CMAS: variants seen among roughly 807,000 people sequenced by gnomAD.
CMAS encodes the protein N-acylneuraminate cytidylyltransferase.
In CMAS, 21 loss-of-function variants were observed where a neutral mutation model predicts 53.4. That is an observed-to-expected ratio of 0.39 (90% confidence interval 0.28 to 0.57). The LOEUF is 0.57. Ranked by LOEUF, CMAS falls within the 20% of genes least tolerant of loss-of-function variation. The pLI, the probability that CMAS is intolerant of heterozygous loss-of-function variation, is 0.56. For synonymous variants in CMAS, 189 were observed against 195.2 expected, an observed-to-expected ratio of 0.97 and a Z score of 0.27; for missense variants, 384 against 534.9, an observed-to-expected ratio of 0.72 and a Z score of 2.78.
intron 1 of CMAS, among the ~76,000 whole-genome samples, chr12:22,047,082 C>T (rs923453437): frequency 6.6e-6 from 1 of 152,156 alleles, no homozygotes; most frequent in Non-Finnish European, 1.5e-5. Flanking sequence ...TTTTCCTAAC[C>T]TTTGAAAAAT....
chr12:22,049,510 T>C (rs1176413007), intron 1 of CMAS, among the ~76,000 whole-genome samples: 1 of 152,234 alleles, frequency 6.6e-6, no homozygotes, highest in African/African-American at 2.4e-5. Flanking sequence ...CTGTACCAAG[T>C]AGTTTTATTT....
Position 22,046,268 on chromosome 12 carries a change from G to A in CMAS, c.-36G>A. The A allele has an allele frequency of 7.1e-7, 1 of 1,417,088 alleles. No homozygotes were observed. The highest frequency in any genetic ancestry group is 9.2e-7 in the Non-Finnish European group (1 of 1,082,528). 87.8% of individuals were successfully genotyped at this position (1,417,088 alleles called of 1,614,324 possible). On this transcript the variant is annotated 5_prime_UTR_variant, in exon 1 of 8. Transcript: ENST00000229329. ...TGAGGTGGTGAGGGACTAGCTCCCG[G>A]ATGTGGAGAAGCTGGGGAGAAGGCG...
chr12:22,058,238 A>G (rs1288779532), intron 3 of CMAS, among the ~76,000 whole-genome samples: 1 of 151,478 alleles, frequency 6.6e-6, no homozygotes, highest in East Asian at 2.0e-4. Flanking sequence ...CAGCCCGGAC[A>G]ACATGGTGAA....
intron 1 of CMAS, among the ~76,000 whole-genome samples, chr12:22,052,500 GA>G (rs1317880375): frequency 6.6e-6 from 1 of 152,098 alleles, no homozygotes; most frequent in Admixed American, 6.5e-5. Flanking sequence ...TAAAAATCAG[GA>G]TAATGAAGTA....
At chr12:22,052,918 TA>T (rs1210502114) in intron 1 of CMAS, among the ~76,000 whole-genome samples, 1 of 152,188 alleles carries the variant, frequency 6.6e-6, no homozygotes, top group Non-Finnish European at 1.5e-5. Context: ...ATAAACGAAA[TA>T]AATAAATGAA....
intron 1 of CMAS, among the ~76,000 whole-genome samples, chr12:22,047,393 GTGT>G (rs2138175338): frequency 6.6e-6 from 1 of 152,216 alleles, no homozygotes; most frequent in African/African-American, 2.4e-5. Context: ...ACATTTGAAT[GTGT>G]TGTTATTGTG....
intron 5 of CMAS, 108 bp downstream of exon 5, chr12:22,061,034 G>A: frequency 1.3e-6 from 1 of 770,748 alleles, no homozygotes; most frequent in Non-Finnish European, 2.2e-6. Context: ...TAATTACTTT[G>A]TTCATGTGAG....
Position 22,055,446 on chromosome 12 carries a change from C to T in CMAS, c.404-9C>T. 6.4e-7 allele frequency: 1 copy of T among 1,569,144 alleles called. No individual in the cohort carries two copies. Among genetic ancestry groups the T allele is most frequent in the Non-Finnish European group, 8.6e-7 (1 of 1,163,808 alleles). On this transcript the variant is annotated splice_polypyrimidine_tract_variant and intron_variant, in intron 2 of 7. Coordinates refer to ENST00000229329, the MANE Select transcript of CMAS (RefSeq NM_018686.6). ...TAAATATCCTTTTCATTTCTCTTGT[C>T]TTTTTAAGAGGTTGACATTGTAGGA...
At chr12:22,053,379 A>G (rs923278020) in intron 1 of CMAS, among the ~76,000 whole-genome samples, 3 of 150,560 alleles carry the variant, frequency 2.0e-5, no homozygotes, top group African/African-American at 7.4e-5. Flanking sequence ...GTGTGTGTAT[A>G]TGTATACATA....
chr12:22,059,463 A>T (rs1315317358), intron 4 of CMAS, among the ~76,000 whole-genome samples: 2 of 152,116 alleles, frequency 1.3e-5, no homozygotes, highest in Non-Finnish European at 2.9e-5. Flanking sequence ...GCCTCACTGA[A>T]ATATGAAGTA....
chr12:22,054,219 G>A (rs975800914), intron 1 of CMAS, among the ~76,000 whole-genome samples: 1 of 152,086 alleles, frequency 6.6e-6, no homozygotes, highest in Non-Finnish European at 1.5e-5. Context: ...GAGACTCCAG[G>A]CCTGACCAAA....
At chr12:22,064,283 A>C (rs149467846) in intron 7 of CMAS, among the ~76,000 whole-genome samples, 3,690 of 152,228 alleles carry the variant, frequency 0.024, 149 homozygotes, top group African/African-American at 0.083. Context: ...TATTCCAAAA[A>C]AGGGGTTAAC....
At position 22,046,325 on chromosome 12, in the gene CMAS, G is replaced by T. The variant is rs1156625340; in HGVS notation, c.22G>T (p.Ala8Ser). Residue 8 changes from alanine (A) to serine (S), a missense_variant, in exon 1 of 8, where the codon GCC becomes TCC. Ala to Ser is a moderately conservative substitution (Grantham distance 99). Transcript: ENST00000229329. ...GAAGATGGACTCGGTGGAGAAGGGG[G>T]CCGCCACCTCCGTCTCCAACCCGCG... MDSVEKG[A>S]ATSVSNPRGR... 1.3e-6 allele frequency: 2 copies of T among 1,490,952 alleles called. No homozygotes were observed. Among genetic ancestry groups the T allele is most frequent in the South Asian group, 1.3e-5 (1 of 75,418 alleles). 92.4% of individuals were successfully genotyped at this position (1,490,952 alleles called of 1,614,324 possible). A position where few individuals can be genotyped will look rare whatever the true frequency, so the allele number is the denominator to read the frequency against.
At chr12:22,058,051 TC>T (rs1200788550) in intron 3 of CMAS, among the ~76,000 whole-genome samples, 1 of 151,576 alleles carries the variant, frequency 6.6e-6, no homozygotes, top group Non-Finnish European at 1.5e-5. Flanking sequence ...GCTCTCGAAC[TC>T]CTGACCTCAA....
Position 22,059,145 on chromosome 12 carries a change from TATA to T in CMAS, c.693+446_693+448del, listed in dbSNP as rs1261708630. Among the ~76,000 whole-genome samples, 7 of 121,254 alleles carry T rather than the reference TATA, an allele frequency of 5.8e-5. No individual in the cohort carries two copies. In the East Asian group the frequency reaches 1.2e-3, roughly 21 times the overall value. The allele number at this position is 121,254 out of a possible 152,430, so 79.5% of individuals were successfully genotyped here. ...GAATCTTTTTATATATATATATATA[TATA>T]TTTTTTTTTTTTTTTATTATACTTT... On this transcript the variant is annotated intron_variant, in intron 4 of 7. Coordinates refer to ENST00000229329, the MANE Select transcript of CMAS (RefSeq NM_018686.6).
chr12:22,060,555 G>C, intron 4 of CMAS: 1 of 281,990 alleles, frequency 3.5e-6, no homozygotes, highest in Non-Finnish European at 6.8e-6. Flanking sequence ...TTAGGAGGCT[G>C]AGGTGGGAGG....
intron 1 of CMAS, among the ~76,000 whole-genome samples, chr12:22,054,572 C>T (rs1226967535): frequency 1.3e-5 from 2 of 150,302 alleles, no homozygotes; most frequent in Non-Finnish European, 3.0e-5. Flanking sequence ...TTATTATCTT[C>T]TAAGCTTGAA....
chr12:22,055,408 G>A (rs766954458), intron 2 of CMAS, 47 bp from the exon 3 acceptor site: 1 of 1,522,692 alleles, frequency 6.6e-7, no homozygotes, highest in Non-Finnish European at 8.8e-7. Context: ...TTGCTTGCAA[G>A]GAACTTTTTT....
Position 22,065,458 on chromosome 12 carries a change from T to A in CMAS, c.*147T>A. Reference sequence around the variant, plus strand: ...ATATATTGTGCTCTACTTTTCTCTTTACGCAAGATAATTATTTAGAGACTG... The same window carrying A: ...ATATATTGTGCTCTACTTTTCTCTTAACGCAAGATAATTATTTAGAGACTG... On this transcript the variant is annotated 3_prime_UTR_variant, in exon 8 of 8. Transcript: ENST00000229329. 1 of 598,412 alleles carries A rather than the reference T, an allele frequency of 1.7e-6. No individual in the cohort carries two copies. Among genetic ancestry groups the A allele is most frequent in the Non-Finnish European group, 2.9e-6 (1 of 349,840 alleles). 37.1% of individuals were successfully genotyped at this position (598,412 alleles called of 1,614,324 possible). A position where few individuals can be genotyped will look rare whatever the true frequency, so the allele number is the denominator to read the frequency against.
Sources: allele counts gnomAD v4.1 joint callset (sites outside exome capture counted in the v4.1 genomes callset), GRCh38; gene constraint gnomAD v4.1.1; transcripts MANE v1.5; gene names NCBI Gene and HGNC (gene_info 2026-07-23, HGNC 2026-07-21).